The following DCDC2 variants were observed in gnomAD, a reference collection of about 807,000 sequenced individuals.
DCDC2 encodes the protein doublecortin domain containing 2.
A neutral mutation model predicts 50.2 loss-of-function variants in DCDC2; 40 were observed. The observed-to-expected ratio is 0.80, with a 90% CI of 0.62 to 1.04. The LOEUF (loss-of-function observed/expected upper bound fraction) is 1.04, where lower values mean the gene tolerates loss of function less well. Ranked by LOEUF, DCDC2 falls within the 50% of genes least tolerant of loss-of-function variation. The probability of loss-of-function intolerance (pLI) is 0.00; values close to 1 mark genes in which losing one functional copy is unlikely to be tolerated. For synonymous variants in DCDC2, 234 were observed against 210.6 expected (o/e 1.11, Z -0.96); for missense variants, 570 against 581.9 (o/e 0.98, Z 0.21).
At chr6:24,209,481 G>A (rs917595537) in intron 7 of DCDC2, among the ~76,000 whole-genome samples, 17 of 152,092 alleles carry the variant, frequency 1.1e-4, no homozygotes, top group Admixed American at 8.5e-4. Context: ...GTGTCACTTG[G>A]GATTTTCATA....
At chr6:24,211,585 G>A (rs1761871809) in intron 7 of DCDC2, among the ~76,000 whole-genome samples, 1 of 152,188 alleles carries the variant, frequency 6.6e-6, no homozygotes, top group South Asian at 2.1e-4. Context: ...AAGGGTCCTT[G>A]TGAGTGAAAA....
chr6:24,181,203 T>C lies in DCDC2; in HGVS notation c.1024-2571A>G, dbSNP rs139404923. On this transcript the variant is annotated intron_variant, in intron 8 of 9. Coordinates refer to ENST00000378454, the MANE Select transcript of DCDC2 (RefSeq NM_016356.5). ...ACAGAAACTCAGGTCCAGAGGGGAA[T>C]GGATCTGCCAGCTGGTGCTAAAAGG... is the stretch of plus-strand genomic sequence containing the variant. 1.5e-3 allele frequency among the ~76,000 whole-genome samples: 234 copies of C among 152,282 alleles called. 2 individuals are homozygous for C. Among genetic ancestry groups the C allele is most frequent in the African/African-American group, 5.3e-3 (220 of 41,560 alleles).
intron 7 of DCDC2, among the ~76,000 whole-genome samples, chr6:24,241,064 C>A (rs1581606144): frequency 6.6e-6 from 1 of 152,190 alleles, no homozygotes; most frequent in Non-Finnish European, 1.5e-5. Flanking sequence ...TCATTCCCTG[C>A]AGTAGAATAC....
chr6:24,328,245 A>G (rs373860750), intron 2 of DCDC2, among the ~76,000 whole-genome samples: 16 of 152,216 alleles, frequency 1.1e-4, no homozygotes, highest in African/African-American at 3.6e-4. Flanking sequence ...GTTGTTGACA[A>G]CTGAGGATTT....
At chr6:24,236,945 G>T (rs1762453395) in intron 7 of DCDC2, among the ~76,000 whole-genome samples, 2 of 151,878 alleles carry the variant, frequency 1.3e-5, no homozygotes, top group South Asian at 4.1e-4. Context: ...GGAGGCGGAG[G>T]TTGTAGTGAG....
intron 2 of DCDC2, among the ~76,000 whole-genome samples, chr6:24,304,216 C>T (rs984060253): frequency 1.3e-5 from 2 of 152,220 alleles, no homozygotes; most frequent in Non-Finnish European, 2.9e-5. Flanking sequence ...GGTGTGTTGG[C>T]TCACGCCTGT....
the DCDC2 span, among the ~76,000 whole-genome samples, chr6:24,374,855 G>A: frequency 5.9e-5 from 9 of 152,154 alleles, no homozygotes; most frequent in African/African-American, 2.2e-4. Flanking sequence ...CACACAGATC[G>A]CTCAGCCCCA....
Position 24,207,302 on chromosome 6 carries a change from CACACAG to C in DCDC2, c.923-2206_923-2201del, listed in dbSNP as rs375099045. ...TCTCTCTCTCTCAGACACACACACA[CACACAG>C]ACACATGCACTCGTAAAACTGGGAT... On this transcript the variant is annotated intron_variant, in intron 7 of 9. Transcript: ENST00000378454. Among the ~76,000 whole-genome samples the C allele has an allele frequency of 3.5e-3, 537 of 151,502 alleles. 1 individual carries two copies. The highest frequency in any genetic ancestry group is 0.013 in the African/African-American group (515 of 41,092).
Position 24,179,913 on chromosome 6 carries a change from T to C in DCDC2, c.1024-1281A>G, listed in dbSNP as rs138076637. ...AGCTTGCAGTGAGCCCAGATAGTGC[T>C]ACTGTACTCCAGCCTGGGCGACAGA... On this transcript the variant is annotated intron_variant, in intron 8 of 9. Transcript: ENST00000378454. Among the ~76,000 whole-genome samples the C allele has an allele frequency of 4.5e-3, 532 of 117,236 alleles. 2 individuals are homozygous for C. The highest frequency in any genetic ancestry group is 0.017 in the Middle Eastern group (2 of 116). 76.9% of individuals were successfully genotyped at this position (117,236 alleles called of 152,430 possible).
chr6:24,218,624 ACTACGGGC>A (rs1762031178), intron 7 of DCDC2, among the ~76,000 whole-genome samples: 2 of 152,028 alleles, frequency 1.3e-5, no homozygotes, highest in Non-Finnish European at 2.9e-5. Context: ...AATAGCTGGG[ACTACGGGC>A]ATGCATCATC....
rs192698823 is a variant in DCDC2, at chr6:24,297,408, G to A, written c.557+4307C>T. Among the ~76,000 whole-genome samples, 15 of 152,190 alleles carry A rather than the reference G, an allele frequency of 9.9e-5. No individual in the cohort carries two copies. In the East Asian group the frequency reaches 1.5e-3, roughly 16 times the overall value. ...AAAATAATCTGTACAACAAACTACC[G>A]TGACACAAGTTTACCTATGCAACTA... On this transcript the variant is annotated intron_variant, in intron 4 of 9. Transcript: ENST00000378454.
intron 7 of DCDC2, among the ~76,000 whole-genome samples, chr6:24,216,421 G>A (rs144143533): frequency 3.7e-4 from 56 of 152,322 alleles, no homozygotes; most frequent in African/African-American, 1.3e-3. Flanking sequence ...GCCATTTGGG[G>A]ATCCCCTTGA....
chr6:24,335,807 G>A (rs1187695765), intron 2 of DCDC2, among the ~76,000 whole-genome samples: 4 of 152,072 alleles, frequency 2.6e-5, no homozygotes, highest in Admixed American at 6.6e-5. Flanking sequence ...ATTAGATCTC[G>A]TGAGAACATA....
chr6:24,322,542 C>T lies in DCDC2; in HGVS notation c.349-20498G>A, dbSNP rs1759791216. ...GAGATAATCAACTAAGAGCCAGGTA[C>T]CCTTTTAAGTCCAGTAAGAAATAAT... On this transcript the variant is annotated intron_variant, in intron 2 of 9. Coordinates refer to ENST00000378454, the MANE Select transcript of DCDC2 (RefSeq NM_016356.5). 5.5e-5 allele frequency among the ~76,000 whole-genome samples: 8 copies of T among 146,276 alleles called. No individual in the cohort carries two copies. In the South Asian group the frequency reaches 1.7e-3, roughly 31 times the overall value.
At chr6:24,327,659 A>G (rs978662227) in intron 2 of DCDC2, among the ~76,000 whole-genome samples, 8 of 151,902 alleles carry the variant, frequency 5.3e-5, no homozygotes, top group African/African-American at 1.9e-4. Flanking sequence ...TTTTCAGTAG[A>G]GACGGGGTTT....
At chr6:24,244,348 C>T (rs1762626983) in intron 7 of DCDC2, among the ~76,000 whole-genome samples, 1 of 152,172 alleles carries the variant, frequency 6.6e-6, no homozygotes, top group Admixed American at 6.5e-5. Context: ...GTATGTGATT[C>T]ATTTCAAAAT....
intron 2 of DCDC2, among the ~76,000 whole-genome samples, chr6:24,343,120 T>TC (rs1307918395): frequency 1.2e-4 from 18 of 150,222 alleles, no homozygotes; most frequent in Non-Finnish European, 1.5e-4. Flanking sequence ...TGATCTCAGC[T>TC]CACTGCAAGC....
intron 8 of DCDC2, among the ~76,000 whole-genome samples, chr6:24,196,910 C>T (rs1454295023): frequency 6.6e-6 from 1 of 152,210 alleles, no homozygotes; most frequent in Non-Finnish European, 1.5e-5. Flanking sequence ...CAACGAATTT[C>T]TCCACACTTT....
chr6:24,225,695 A>G (rs1009407529), intron 7 of DCDC2, among the ~76,000 whole-genome samples: 2 of 146,864 alleles, frequency 1.4e-5, no homozygotes, highest in Admixed American at 1.4e-4. Flanking sequence ...CAACTCTTAG[A>G]AAGTTTTCAC....
Sources: allele counts gnomAD v4.1 joint callset (sites outside exome capture counted in the v4.1 genomes callset), GRCh38; gene constraint gnomAD v4.1.1; transcripts MANE v1.5; gene names NCBI Gene and HGNC (gene_info 2026-07-23, HGNC 2026-07-21).